The following MAP4 variants were observed in gnomAD, a reference collection of about 807,000 sequenced individuals.
MAP4 encodes microtubule associated protein 4.
MAP4 carries 76 observed loss-of-function variants against 170.2 expected under a neutral mutation model. That is an observed-to-expected ratio of 0.45 (90% CI 0.37 to 0.54). MAP4 has a LOEUF of 0.54. Ranked by LOEUF, MAP4 falls within the 20% of genes least tolerant of loss-of-function variation. The probability of loss-of-function intolerance (pLI) is 0.00; values close to 1 mark genes in which losing one functional copy is unlikely to be tolerated. For synonymous variants in MAP4, 909 were observed against 994.5 expected (o/e 0.91, Z 1.62); for missense variants, 2,506 against 2,748.0 (o/e 0.91, Z 1.97).
intron 1 of MAP4, among the ~76,000 whole-genome samples, chr3:48,086,033 C>T (rs1184393542): frequency 6.6e-6 from 1 of 151,814 alleles, no homozygotes; most frequent in South Asian, 2.1e-4. Context: ...GCCTGGGCAA[C>T]AGAGTAAGAC....
chr3:47,875,944 G>A (rs1378137521), intron 11 of MAP4, 44 bp from the exon 12 acceptor site: 1 of 1,345,602 alleles, frequency 7.4e-7, no homozygotes, highest in South Asian at 1.3e-5. Context: ...ATTTTTTAAA[G>A]GGCAACATCA....
At chr3:48,001,191 GA>G (rs1239259306) in intron 1 of MAP4, among the ~76,000 whole-genome samples, 1 of 151,702 alleles carries the variant, frequency 6.6e-6, no homozygotes, top group African/African-American at 2.4e-5. Flanking sequence ...CAAGTGTCTA[GA>G]AAAAAAAGAT....
rs545183863 is a variant in MAP4 at position 47,918,734 on chromosome 3, G to A, written c.637C>T (p.Pro213Ser). Reference protein sequence around the residue: ...FVSPEAVAEPPQPTAVPLELA... With the variant: ...FVSPEAVAEPSQPTAVPLELA... ...AATAGTTTACCTGCCGTTGGCTGAG[G>A]AGGTTCTGCAACAGCCTCTGGGGAA... The change falls in exon 6 of 21, where the codon CCT (proline) becomes TCT (serine). Residue 213 changes from proline (P) to serine (S), a missense_variant. This residue lies in a region of MAP4 where 2,008 missense variants were observed against 2,206.0 expected (regional missense o/e 0.91). Coordinates refer to ENST00000683076, the MANE Select transcript of MAP4 (RefSeq NM_001385682.1). The A allele has an allele frequency of 2.1e-4, 346 of 1,611,002 alleles. 6 individuals are homozygous for A. In the South Asian group the frequency reaches 3.7e-3, roughly 17 times the overall value.
chr3:48,073,264 C>T (rs1389275640), intron 1 of MAP4, among the ~76,000 whole-genome samples: 1 of 20,750 alleles, frequency 4.8e-5, no homozygotes, highest in African/African-American at 1.3e-4. Flanking sequence ...CACACACACA[C>T]ACACACACAC....
At chr3:47,883,988 A>C (rs950566793) in intron 10 of MAP4, among the ~76,000 whole-genome samples, 3 of 152,022 alleles carry the variant, frequency 2.0e-5, no homozygotes, top group African/African-American at 7.2e-5. Flanking sequence ...CATTTATCCT[A>C]TTTGGTATTT....
At chr3:47,869,103 G>A in intron 16 of MAP4, 111 bp downstream of exon 16, 2 of 826,108 alleles carry the variant, frequency 2.4e-6, no homozygotes, top group Non-Finnish European at 2.0e-6. Context: ...GGGAGAAGAA[G>A]TAGAAACTAG....
chr3:48,036,430 T>C (rs563745523), intron 1 of MAP4, among the ~76,000 whole-genome samples: 4 of 152,322 alleles, frequency 2.6e-5, no homozygotes, highest in African/African-American at 9.6e-5. Flanking sequence ...ATTAACTTTA[T>C]GCCTCCTGTT....
intron 1 of MAP4, among the ~76,000 whole-genome samples, chr3:48,052,794 T>C (rs896957642): frequency 2.6e-5 from 4 of 152,172 alleles, no homozygotes; most frequent in African/African-American, 4.8e-5. Context: ...GATGAACATC[T>C]CAAACCACAA....
At chr3:47,946,649 C>T (rs575082944) in intron 3 of MAP4, among the ~76,000 whole-genome samples, 14 of 102,332 alleles carry the variant, frequency 1.4e-4, no homozygotes, top group South Asian at 1.0e-3. Context: ...GGTGAAACTC[C>T]GTCTCAAAAA....
intron 1 of MAP4, among the ~76,000 whole-genome samples, chr3:48,071,979 G>C (rs891782873): frequency 6.6e-6 from 1 of 152,088 alleles, no homozygotes; most frequent in South Asian, 2.1e-4. Context: ...CTAGCATTTT[G>C]GGAGGCCCAG....
Position 47,912,475 on chromosome 3 carries a change from A to G in MAP4, c.2000-54T>C. 4.3e-6 allele frequency: 6 copies of G among 1,395,866 alleles called. No homozygotes were observed. The Admixed American group carries it at 8.6e-5, about 20-fold the overall frequency. The allele number at this position is 1,395,866 out of a possible 1,614,324, so 86.5% of individuals were successfully genotyped here. A position where few individuals can be genotyped will look rare whatever the true frequency, so the allele number is the denominator to read the frequency against. On this transcript the variant is annotated intron_variant, in intron 8 of 20. Coordinates refer to ENST00000683076, the MANE Select transcript of MAP4 (RefSeq NM_001385682.1). ...TATTGTTTCTTAAAAACAACAAAAAACAAACAAACAAACAAAAAAACCAGA... is the reference window on the plus strand; with the variant it reads ...TATTGTTTCTTAAAAACAACAAAAAGCAAACAAACAAACAAAAAAACCAGA...
intron 17 of MAP4, among the ~76,000 whole-genome samples, chr3:47,859,704 G>A (rs970589542): frequency 2.0e-5 from 3 of 152,168 alleles, no homozygotes; most frequent in Admixed American, 6.5e-5. Flanking sequence ...TACATACAGA[G>A]TAGTTACTAC....
intron 1 of MAP4, among the ~76,000 whole-genome samples, chr3:48,011,842 T>C (rs2100105439): frequency 6.6e-6 from 1 of 152,166 alleles, no homozygotes; most frequent in Non-Finnish European, 1.5e-5. Context: ...CAACTATTAT[T>C]AGTAGTTATC....
chr3:47,929,375 C>T (rs1023519721), intron 3 of MAP4, among the ~76,000 whole-genome samples: 3 of 151,894 alleles, frequency 2.0e-5, no homozygotes, highest in African/African-American at 4.8e-5. Context: ...GTATTGACAA[C>T]GTGGTATTGG....
chr3:47,915,705 C>T (rs528740629), intron 7 of MAP4, among the ~76,000 whole-genome samples: 1 of 152,224 alleles, frequency 6.6e-6, no homozygotes, highest in African/African-American at 2.4e-5. Flanking sequence ...TGTCGATGTT[C>T]TATTTTATTG....
chr3:48,018,297 G>A (rs543425844), upstream of MAP4, among the ~76,000 whole-genome samples: 1 of 152,170 alleles, frequency 6.6e-6, no homozygotes, highest in Non-Finnish European at 1.5e-5. Context: ...CACCTTCTCT[G>A]TTCCTAGTAG....
chr3:48,056,112 TGGG>T (rs1387060724), intron 1 of MAP4, among the ~76,000 whole-genome samples: 1 of 96,522 alleles, frequency 1.0e-5, no homozygotes, highest in African/African-American at 3.9e-5. Context: ...GGGAGGGAGG[TGGG>T]GGGGGGTCAG....
At chr3:47,958,972 G>A (rs567323694) in intron 3 of MAP4, among the ~76,000 whole-genome samples, 88 of 152,022 alleles carry the variant, frequency 5.8e-4, no homozygotes, top group African/African-American at 2.0e-3. Flanking sequence ...ATGAGCCACC[G>A]CACCCGCCTT....
In MAP4 at chr3:47,862,756, T is replaced by A. The variant is rs373970705; in HGVS notation, c.6501+4490A>T. Among the ~76,000 whole-genome samples the A allele has an allele frequency of 1.1e-4, 16 of 152,148 alleles. No homozygotes were observed. In the East Asian group the frequency reaches 1.4e-3, roughly 13 times the overall value. On this transcript the variant is annotated intron_variant, in intron 17 of 20. Coordinates refer to ENST00000683076, the MANE Select transcript of MAP4 (RefSeq NM_001385682.1). ...CCTCCCAAATTGCTGGGATTACAGG[T>A]GTGAGCCACCGCGCCCAGCTATATG...
Sources: gnomAD v4.1 joint callset for allele counts (sites outside exome capture counted in the v4.1 genomes callset) on GRCh38, gnomAD v4.1.1 for gene constraint, gnomAD v4.1.1 regional missense constraint, MANE v1.5 for transcripts, NCBI Gene and HGNC (gene_info 2026-07-23, HGNC 2026-07-21) for gene names.